Variants in TMEM164 observed in about 807,000 individuals in gnomAD.
TMEM164 encodes transmembrane protein 164.
In TMEM164, 4 loss-of-function variants were observed where a neutral mutation model predicts 18.8. The observed-to-expected ratio is 0.21, with a 90% CI of 0.10 to 0.49. The LOEUF is 0.49. Among genes scored for constraint, TMEM164 ranks in the 20% least tolerant of loss-of-function variants. The pLI is 0.98. For synonymous variants in TMEM164, 86 were observed against 101.7 expected (o/e 0.85, Z 0.93); for missense variants, 108 against 239.9 (o/e 0.45, Z 3.63).
chrX:110,054,883 G>A (rs1935745746), intron 2 of TMEM164, among the ~76,000 whole-genome samples: 2 of 112,024 alleles, frequency 1.8e-5, no homozygotes, highest in Non-Finnish European at 3.8e-5. Context: ...GACCTTTATA[G>A]AGATGAGAAC....
intron 2 of TMEM164, among the ~76,000 whole-genome samples, chrX:110,030,117 T>G (rs1258226297): frequency 5.2e-4 from 37 of 70,985 alleles, no homozygotes; most frequent in South Asian, 2.8e-3. Flanking sequence ...TGTTTTTTTT[T>G]TTTTTTTTTT....
chrX:110,145,280 A>T (rs2066837245), intron 5 of TMEM164, among the ~76,000 whole-genome samples: 1 of 111,323 alleles, frequency 9.0e-6, no homozygotes. Context: ...ACAAAAGAAG[A>T]TATTGTAAGG....
At chrX:110,135,682 GT>G (rs1484558271) in intron 4 of TMEM164, among the ~76,000 whole-genome samples, 4 of 111,873 alleles carry the variant, frequency 3.6e-5, no homozygotes, top group Non-Finnish European at 7.5e-5. Context: ...AAATTCCTAA[GT>G]TTTTACTATA....
chrX:110,042,597 G>T (rs1935144540), intron 2 of TMEM164, among the ~76,000 whole-genome samples: 1 of 111,656 alleles, frequency 9.0e-6, no homozygotes, highest in Non-Finnish European at 1.9e-5. Context: ...TTGAGGAACT[G>T]CCAAACTGTT....
At chrX:110,098,187 T>C (rs2066050867) in intron 3 of TMEM164, among the ~76,000 whole-genome samples, 1 of 112,132 alleles carries the variant, frequency 8.9e-6, no homozygotes, top group South Asian at 3.7e-4. Flanking sequence ...GTGGGTTTGT[T>C]TACTTAGCAT....
rs1054780868 is a variant in TMEM164 at position 110,053,241 on chromosome X, T to C, written c.391-14106T>C. Among the ~76,000 whole-genome samples the C allele has an allele frequency of 2.7e-5, 3 of 111,564 alleles. No individual in the cohort carries two copies. The East Asian group carries it at 8.4e-4, about 31-fold the overall frequency. The stretch of plus-strand genomic sequence containing the variant: ...CTTTGATAAAATGTCTTGCTGAGAG[T>C]TAGGCTAACTCACCAACCAGCTTTA... On this transcript the variant is annotated intron_variant, in intron 2 of 6. Transcript: ENST00000372068.
At chrX:110,089,063 T>A (rs910952650) in intron 3 of TMEM164, among the ~76,000 whole-genome samples, 1 of 111,618 alleles carries the variant, frequency 9.0e-6, no homozygotes, top group African/African-American at 3.3e-5. Context: ...CATAATAAGA[T>A]TTGGGCAAGT....
chrX:110,139,258 C>G (rs1370168297), intron 4 of TMEM164, among the ~76,000 whole-genome samples: 2 of 111,984 alleles, frequency 1.8e-5, no homozygotes, highest in Non-Finnish European at 3.8e-5. Flanking sequence ...AGTGATGGTA[C>G]TAGCCTTAGC....
chrX:110,158,325 C>A (rs772882792), intron 5 of TMEM164, among the ~76,000 whole-genome samples: 11 of 111,972 alleles, frequency 9.8e-5, no homozygotes, highest in Non-Finnish European at 1.9e-4. Flanking sequence ...ACGGTTACCC[C>A]ATTTGGGGTT....
At chrX:110,178,144 T>A (rs768221085), downstream of TMEM164, among the ~76,000 whole-genome samples, 2 of 112,643 alleles carry the variant, frequency 1.8e-5, no homozygotes, top group South Asian at 7.3e-4. Context: ...GGGCCAGCTC[T>A]GCACCAGCAC....
chrX:110,017,538 C>T (rs868286635), intron 2 of TMEM164, among the ~76,000 whole-genome samples: 1 of 58,354 alleles, frequency 1.7e-5, no homozygotes, highest in Non-Finnish European at 2.8e-5. Flanking sequence ...TTCCTTCCTT[C>T]CTTCCTTCCT....
At chrX:110,096,294 A>G (rs1453487244) in intron 3 of TMEM164, among the ~76,000 whole-genome samples, 3 of 112,925 alleles carry the variant, frequency 2.7e-5, no homozygotes, top group East Asian at 2.8e-4. Context: ...GGTGGAGTCT[A>G]CAGAGGCAGG....
At chrX:110,150,356 G>A (rs753662727) in intron 5 of TMEM164, among the ~76,000 whole-genome samples, 2 of 111,770 alleles carry the variant, frequency 1.8e-5, no homozygotes, top group Non-Finnish European at 3.8e-5. Flanking sequence ...GCAGGCTGGC[G>A]TCATATATGA....
intron 5 of TMEM164, among the ~76,000 whole-genome samples, chrX:110,159,209 G>T (rs1051593380): frequency 9.0e-6 from 1 of 110,922 alleles, no homozygotes; most frequent in Non-Finnish European, 1.9e-5. Flanking sequence ...GAAGAGTTCT[G>T]CTTCCCACCA....
At chrX:110,037,447 A>G (rs1229182283) in intron 2 of TMEM164, among the ~76,000 whole-genome samples, 2 of 111,914 alleles carry the variant, frequency 1.8e-5, no homozygotes, top group Non-Finnish European at 3.8e-5. Context: ...CTCCATCAAA[A>G]CCCAGCCACA....
chrX:110,177,181 CAA>C lies in TMEM164; in HGVS notation c.*3733_*3734del, dbSNP rs2067299701. 8.9e-6 allele frequency: 1 copy of C among 112,936 alleles called. No homozygotes were observed. Among genetic ancestry groups the C allele is most frequent in the African/African-American group, 3.2e-5 (1 of 31,064 alleles). The allele number at this position is 112,936 out of a possible 1,213,427, so 9.3% of individuals were successfully genotyped here. On this transcript the variant is annotated 3_prime_UTR_variant, in exon 7 of 7. Coordinates refer to ENST00000372068, the MANE Select transcript of TMEM164 (RefSeq NM_032227.4). ...AAGCCCCATGAAAAATAAAACAAAA[CAA>C]AAGTCATTTCAAACAAAGCTGTTGT...
chrX:110,078,835 A>G (rs2065710476), intron 3 of TMEM164, among the ~76,000 whole-genome samples: 1 of 112,107 alleles, frequency 8.9e-6, no homozygotes, highest in Admixed American at 9.4e-5. Flanking sequence ...ATAAAATTAA[A>G]TTAAACTTTA....
At chrX:110,096,834 T>G (rs1208007983) in intron 3 of TMEM164, among the ~76,000 whole-genome samples, 2 of 111,522 alleles carry the variant, frequency 1.8e-5, no homozygotes, top group East Asian at 5.6e-4. Flanking sequence ...TCCTACTTTC[T>G]TATATGTGAA....
chrX:110,071,024 C>T (rs1218356783), intron 3 of TMEM164, among the ~76,000 whole-genome samples: 9 of 110,986 alleles, frequency 8.1e-5, no homozygotes, highest in African/African-American at 2.3e-4. Context: ...ATTGTGCTGA[C>T]GGGCTACTCT....
Sources: gnomAD v4.1 joint callset for allele counts (sites outside exome capture counted in the v4.1 genomes callset) on GRCh38, gnomAD v4.1.1 for gene constraint, MANE v1.5 for transcripts, NCBI Gene and HGNC (gene_info 2026-07-23, HGNC 2026-07-21) for gene names.